Variants in ZEB1 observed in about 807,000 individuals in gnomAD.
ZEB1 encodes the protein zinc finger E-box binding homeobox 1, also known as zinc finger E-box-binding homeobox 1.
ZEB1 carries 21 observed loss-of-function variants against 84.9 expected under a neutral mutation model. The observed-to-expected ratio is 0.25, with a 90% CI of 0.18 to 0.36. The LOEUF is 0.36. ZEB1 is among the 10% of genes least tolerant of loss of function. ZEB1 has a pLI of 1.00. For synonymous variants in ZEB1, 420 were observed against 471.1 expected (o/e 0.89, Z 1.41); for missense variants, 1,104 against 1,330.2 (o/e 0.83, Z 2.65).
rs2056838071 is a variant in ZEB1, at chr10:31,425,711, C to G, written c.59-35326C>G. On this transcript the variant is annotated intron_variant, in intron 1 of 8. Transcript: ENST00000424869. ...ACCCATTTTAAAGTTTTTGAACTATCTGGCTTGAAACCTAATTTTTCTCTT... is the reference window on the plus strand; with the variant it reads ...ACCCATTTTAAAGTTTTTGAACTATGTGGCTTGAAACCTAATTTTTCTCTT... 2.0e-5 allele frequency among the ~76,000 whole-genome samples: 3 copies of G among 152,102 alleles called. No homozygotes were observed. The South Asian group carries it at 6.2e-4, about 31-fold the overall frequency.
intron 7 of ZEB1, among the ~76,000 whole-genome samples, chr10:31,523,646 T>C (rs182658718): frequency 1.6e-4 from 24 of 152,312 alleles, no homozygotes; most frequent in African/African-American, 5.8e-4. Flanking sequence ...TTTACATGCT[T>C]TCTTTTCGGT....
intron 1 of ZEB1, among the ~76,000 whole-genome samples, chr10:31,393,242 AGTTTTG>A (rs1363638441): frequency 6.6e-6 from 1 of 152,134 alleles, no homozygotes; most frequent in Non-Finnish European, 1.5e-5. Context: ...GAAACATTAT[AGTTTTG>A]GTTTTGTTTT....
intron 2 of ZEB1, among the ~76,000 whole-genome samples, chr10:31,469,967 C>T (rs949011877): frequency 1.5e-4 from 23 of 152,272 alleles, no homozygotes; most frequent in Non-Finnish European, 2.9e-4. Flanking sequence ...ACACCTCACA[C>T]GGCAGGGTAC....
chr10:31,319,158 GGAGGC>G, upstream of ZEB1: 1 of 979,078 alleles, frequency 1.0e-6, no homozygotes, highest in Non-Finnish European at 1.5e-6. Context: ...GGGGAGGGGT[GGAGGC>G]GGAGGGGTGG....
chr10:31,331,077 CTTTCTTTTTTTTTTTT>C (rs1190187360), intron 1 of ZEB1, among the ~76,000 whole-genome samples: 30 of 89,064 alleles, frequency 3.4e-4, no homozygotes, highest in African/African-American at 1.6e-3. Context: ...TTTTTTCTTT[CTTTCTTTTTTTTTTTT>C]TTTTTTTTTT....
At chr10:31,390,924 T>C (rs2049547419) in intron 1 of ZEB1, among the ~76,000 whole-genome samples, 1 of 152,102 alleles carries the variant, frequency 6.6e-6, no homozygotes, top group African/African-American at 2.4e-5. Context: ...GTCACCTCCT[T>C]AGTAGTGTGG....
chr10:31,470,029 A>G (rs2062997520), intron 2 of ZEB1, among the ~76,000 whole-genome samples: 1 of 151,834 alleles, frequency 6.6e-6, no homozygotes, highest in Non-Finnish European at 1.5e-5. Context: ...AAACTAACAA[A>G]CAGAAAGGAC....
At chr10:31,495,349 T>G (rs1164822458) in intron 2 of ZEB1, among the ~76,000 whole-genome samples, 1 of 152,058 alleles carries the variant, frequency 6.6e-6, no homozygotes, top group Non-Finnish European at 1.5e-5. Context: ...AAATTCCAGT[T>G]TGCTTATAAT....
rs897831252 is a variant in ZEB1, at chr10:31,503,624, G to GT, written c.484+1123dup. On this transcript the variant is annotated intron_variant, in intron 4 of 8. Transcript: ENST00000424869. ...GGATCATATAATAGTTCTATTTTTA[G>GT]TTTTTTTTGAGAAATCTCCGTAGTA... Among the ~76,000 whole-genome samples the GT allele has an allele frequency of 5.1e-4, 78 of 151,644 alleles. No homozygotes were observed. The South Asian group carries it at 7.1e-3, about 14-fold the overall frequency.
intron 1 of ZEB1, among the ~76,000 whole-genome samples, chr10:31,417,092 AATTT>A (rs1454392404): frequency 6.6e-6 from 1 of 152,142 alleles, no homozygotes; most frequent in African/African-American, 2.4e-5. Context: ...ATGTGCCAAC[AATTT>A]ATTTAAACAA....
intron 1 of ZEB1, among the ~76,000 whole-genome samples, chr10:31,413,742 T>G (rs1353352242): frequency 6.6e-6 from 1 of 152,164 alleles, no homozygotes; most frequent in Non-Finnish European, 1.5e-5. Context: ...TATTGACTAT[T>G]AAGAATATAG....
intron 1 of ZEB1, among the ~76,000 whole-genome samples, chr10:31,400,878 AT>A (rs2051852998): frequency 4.6e-5 from 7 of 152,316 alleles, no homozygotes; most frequent in African/African-American, 1.7e-4. Flanking sequence ...TCTTGACTAT[AT>A]GCATAACTGA....
At chr10:31,464,132 CAG>C (rs1013132333) in intron 2 of ZEB1, among the ~76,000 whole-genome samples, 2 of 151,828 alleles carry the variant, frequency 1.3e-5, no homozygotes, top group African/African-American at 4.8e-5. Context: ...ACAAATTAAA[CAG>C]GGTTAAAGAA....
intron 1 of ZEB1, chr10:31,374,879 A>G (rs1336545759): frequency 6.6e-6 from 1 of 151,828 alleles, no homozygotes; most frequent in African/African-American, 2.4e-5. Context: ...GAGAGTTCTT[A>G]CAGGATTTCA....
intron 2 of ZEB1, among the ~76,000 whole-genome samples, chr10:31,470,472 GATGAAATGA>G (rs1455505353): frequency 2.0e-5 from 3 of 150,310 alleles, no homozygotes; most frequent in Non-Finnish European, 4.4e-5. Flanking sequence ...AGCGATGGAA[GATGAAATGA>G]ATGAAATGAA....
At chr10:31,475,423 T>G (rs781034343) in intron 2 of ZEB1, among the ~76,000 whole-genome samples, 1 of 152,038 alleles carries the variant, frequency 6.6e-6, no homozygotes, top group Non-Finnish European at 1.5e-5. Context: ...GATGTAGACA[T>G]CAAGATACAA....
At chr10:31,516,173 T>C (rs569032698) in intron 6 of ZEB1, among the ~76,000 whole-genome samples, 1 of 152,168 alleles carries the variant, frequency 6.6e-6, no homozygotes, top group African/African-American at 2.4e-5. Context: ...TAAATTTGAA[T>C]GGCCCAGAGC....
chr10:31,523,163 G>C (rs996418713), intron 7 of ZEB1, among the ~76,000 whole-genome samples: 1 of 152,176 alleles, frequency 6.6e-6, no homozygotes, highest in African/African-American at 2.4e-5. Context: ...AGGCAATGGC[G>C]TGGAACACTC....
chr10:31,501,631 A>AT (rs2068145377), intron 3 of ZEB1, among the ~76,000 whole-genome samples: 1 of 151,478 alleles, frequency 6.6e-6, no homozygotes, highest in Non-Finnish European at 1.5e-5. Context: ...TCCCCCCCCC[A>AT]TTATCTGTGG....
Sources: allele counts gnomAD v4.1 joint callset (sites outside exome capture counted in the v4.1 genomes callset), GRCh38; gene constraint gnomAD v4.1.1; transcripts MANE v1.5; gene names NCBI Gene and HGNC (gene_info 2026-07-23, HGNC 2026-07-21).